Variants in RNF149 observed in about 807,000 individuals in gnomAD.
The protein encoded by RNF149 is ring finger protein 149.
In RNF149, 21 loss-of-function variants were observed where a neutral mutation model predicts 39.0. The observed-to-expected ratio is 0.54, with a 90% CI of 0.38 to 0.77. RNF149 has a LOEUF of 0.77. Among genes scored for constraint, RNF149 ranks in the 30% least tolerant of loss-of-function variants. The pLI, the probability that RNF149 is intolerant of heterozygous loss-of-function variation, is 0.00. For missense variants in RNF149, 493 were observed against 534.9 expected (o/e 0.92, Z 0.77); for synonymous variants, 209 against 213.6 (o/e 0.98, Z 0.19).
chr2:101,283,387 C>G (rs1682666746), intron 5 of RNF149, among the ~76,000 whole-genome samples: 1 of 152,180 alleles, frequency 6.6e-6, no homozygotes, highest in Non-Finnish European at 1.5e-5. Flanking sequence ...TTCTTTGACC[C>G]ATCCTTGCCA....
chr2:101,276,487 T>C lies in RNF149; in HGVS notation c.*751A>G. 3 of 985,754 alleles carry C rather than the reference T, an allele frequency of 3.0e-6. No individual in the cohort carries two copies. The highest frequency in any genetic ancestry group is 3.6e-6 in the Non-Finnish European group (3 of 829,838). 61.1% of individuals were successfully genotyped at this position (985,754 alleles called of 1,614,324 possible). A position where few individuals can be genotyped will look rare whatever the true frequency, so the allele number is the denominator to read the frequency against. ...TGAAATCAATATAACAGATTCTGAG[T>C]CTGCCTACTCATTTTCCTTAACAAG... On this transcript the variant is annotated 3_prime_UTR_variant, in exon 7 of 7. Transcript: ENST00000295317.
intron 5 of RNF149, among the ~76,000 whole-genome samples, chr2:101,284,537 C>T (rs1322086493): frequency 2.6e-5 from 4 of 152,034 alleles, no homozygotes; most frequent in Non-Finnish European, 4.4e-5. Context: ...GCCAAGATCA[C>T]GCCATTGAAC....
intron 4 of RNF149, among the ~76,000 whole-genome samples, chr2:101,287,117 T>G (rs945630820): frequency 3.3e-5 from 5 of 151,896 alleles, no homozygotes; most frequent in Admixed American, 2.6e-4. Flanking sequence ...AGGTCAGGAG[T>G]TCGAGACCAG....
chr2:101,306,840 T>G (rs1005867338), intron 1 of RNF149, among the ~76,000 whole-genome samples: 3 of 152,194 alleles, frequency 2.0e-5, no homozygotes, highest in African/African-American at 7.2e-5. Context: ...TGTCCTCACT[T>G]CACTGTTAGG....
In RNF149 at chr2:101,308,123, G is replaced by C; in HGVS notation, c.460+6C>G. ...CCCTCCCGTCCTCGCGCCCCGGCCTGCTCACCCGCGTGAGACATGGGCAAG... is the reference window on the plus strand; with the variant it reads ...CCCTCCCGTCCTCGCGCCCCGGCCTCCTCACCCGCGTGAGACATGGGCAAG... On this transcript the variant is annotated splice_donor_region_variant and intron_variant, in intron 1 of 6. Coordinates refer to ENST00000295317, the MANE Select transcript of RNF149 (RefSeq NM_173647.4). The C allele has an allele frequency of 6.2e-7, 1 of 1,607,108 alleles. No homozygotes were observed. Among genetic ancestry groups the C allele is most frequent in the Non-Finnish European group, 8.5e-7 (1 of 1,177,972 alleles).
At chr2:101,281,702 T>C (rs1682592792) in intron 6 of RNF149, 157 bp downstream of exon 6, 3 of 803,142 alleles carry the variant, frequency 3.7e-6, no homozygotes, top group Non-Finnish European at 5.9e-6. Context: ...GGTCTCACTA[T>C]GCTGCCCAGG....
intron 1 of RNF149, among the ~76,000 whole-genome samples, chr2:101,307,103 A>C (rs1039507238): frequency 6.6e-6 from 1 of 152,232 alleles, no homozygotes; most frequent in African/African-American, 2.4e-5. Context: ...ATAAGACTTA[A>C]ACTATGACTA....
At chr2:101,277,330 C>T in intron 6 of RNF149, 49 bp from the exon 7 acceptor site, 1 of 1,570,948 alleles carries the variant, frequency 6.4e-7, no homozygotes, top group Admixed American at 2.0e-5. Flanking sequence ...GCAGCATATT[C>T]CGAGCTTCAA....
At chr2:101,293,310 A>G (rs1683092942) in intron 3 of RNF149, among the ~76,000 whole-genome samples, 1 of 152,216 alleles carries the variant, frequency 6.6e-6, no homozygotes. Context: ...CATGAAAATC[A>G]AAACAGCTGA....
chr2:101,282,142 C>A, intron 5 of RNF149, 85 bp from the exon 6 acceptor site: 1 of 1,543,852 alleles, frequency 6.5e-7, no homozygotes, highest in Non-Finnish European at 8.7e-7. Flanking sequence ...GTAATTCACA[C>A]ACAATATTAC....
intron 4 of RNF149, among the ~76,000 whole-genome samples, chr2:101,287,049 T>C (rs189966453): frequency 1.3e-5 from 2 of 152,318 alleles, no homozygotes; most frequent in African/African-American, 4.8e-5. Flanking sequence ...CGGCCGGGCA[T>C]GGTGGCTCAC....
At chr2:101,272,726 A>G, downstream of RNF149, 4 of 349,312 alleles carry the variant, frequency 1.1e-5, no homozygotes, top group South Asian at 6.6e-5. Context: ...TTCAGCCTTC[A>G]TTGAGCAAAT....
intron 1 of RNF149, among the ~76,000 whole-genome samples, chr2:101,295,704 T>C (rs969758263): frequency 6.7e-6 from 1 of 148,950 alleles, no homozygotes; most frequent in Admixed American, 6.7e-5. Context: ...GCTAGAGCAC[T>C]GTTCAGTTTC....
intron 4 of RNF149, 38 bp from the exon 5 acceptor site, chr2:101,286,215 A>G (rs778003080): frequency 1.7e-6 from 2 of 1,188,046 alleles, no homozygotes; most frequent in Non-Finnish European, 1.3e-6. Flanking sequence ...TTTTAAAATC[A>G]ATGTTTATAT....
At chr2:101,272,318 T>C (rs970889033), downstream of RNF149, among the ~76,000 whole-genome samples, 1 of 152,206 alleles carries the variant, frequency 6.6e-6, no homozygotes, top group Non-Finnish European at 1.5e-5. Flanking sequence ...TTTTTCCTAA[T>C]GTTTAAATAA....
chr2:101,271,228 A>G (rs1299941089), downstream of RNF149: 1 of 152,250 alleles, frequency 6.6e-6, no homozygotes, highest in East Asian at 1.9e-4. Flanking sequence ...GTTTACTTGA[A>G]AGACTTTAAA....
chr2:101,296,415 G>C (rs1266867897), intron 1 of RNF149, among the ~76,000 whole-genome samples: 2 of 152,142 alleles, frequency 1.3e-5, no homozygotes, highest in Non-Finnish European at 2.9e-5. Context: ...TCACTTAGAA[G>C]GAAAATAAGA....
chr2:101,298,945 T>A (rs1683345161), intron 1 of RNF149, among the ~76,000 whole-genome samples: 2 of 152,298 alleles, frequency 1.3e-5, no homozygotes, highest in South Asian at 4.1e-4. Context: ...AGGTTAGGAA[T>A]TTGAGACCAG....
intron 3 of RNF149, among the ~76,000 whole-genome samples, chr2:101,289,301 T>C (rs1682914660): frequency 6.6e-6 from 1 of 152,242 alleles, no homozygotes; most frequent in Non-Finnish European, 1.5e-5. Context: ...ACTAATACAC[T>C]ATTCACATGT....
Sources: gnomAD v4.1 joint callset for allele counts (sites outside exome capture counted in the v4.1 genomes callset) on GRCh38, gnomAD v4.1.1 for gene constraint, MANE v1.5 for transcripts, NCBI Gene and HGNC (gene_info 2026-07-23, HGNC 2026-07-21) for gene names.